Variants in MSH3 observed in about 807,000 individuals in gnomAD.
The protein encoded by MSH3 is DNA mismatch repair protein Msh3.
In MSH3, 106 loss-of-function variants were observed where a neutral mutation model predicts 123.3. The observed-to-expected ratio is 0.86, with a 90% CI of 0.73 to 1.01. The LOEUF (loss-of-function observed/expected upper bound fraction) is 1.01, where lower values mean the gene tolerates loss of function less well. MSH3 is among the 50% of genes least tolerant of loss of function. MSH3 has a pLI of 0.00. For synonymous variants in MSH3, 515 were observed against 481.4 expected (o/e 1.07, Z -0.91); for missense variants, 1,459 against 1,347.6 (o/e 1.08, Z -1.29).
intron 22 of MSH3, among the ~76,000 whole-genome samples, chr5:80,869,285 T>C (rs1001626002): frequency 2.6e-5 from 4 of 152,224 alleles, no homozygotes; most frequent in African/African-American, 9.6e-5. Context: ...ACATGAATTA[T>C]TACTTCCACT....
chr5:80,789,756 A>G (rs1744576482), intron 18 of MSH3, among the ~76,000 whole-genome samples: 1 of 152,212 alleles, frequency 6.6e-6, no homozygotes, highest in African/African-American at 2.4e-5. Context: ...GGAAAGTAGT[A>G]TTTATTGGTG....
chr5:80,742,724 G>A (rs1462015541), intron 11 of MSH3, among the ~76,000 whole-genome samples: 1 of 152,106 alleles, frequency 6.6e-6, no homozygotes, highest in African/African-American at 2.4e-5. Context: ...TCCAAAAGCT[G>A]AGAATCTGTC....
At chr5:80,780,855 G>A (rs1481514955) in intron 17 of MSH3, among the ~76,000 whole-genome samples, 3 of 152,018 alleles carry the variant, frequency 2.0e-5, no homozygotes, top group Non-Finnish European at 4.4e-5. Context: ...GCAACAGAGC[G>A]TGACTGTCTC....
chr5:80,751,066 G>T (rs1446339739), intron 12 of MSH3, among the ~76,000 whole-genome samples: 1 of 151,952 alleles, frequency 6.6e-6, no homozygotes, highest in Non-Finnish European at 1.5e-5. Context: ...CTGTACAAGG[G>T]GTCTTCAGAA....
chr5:80,670,032 C>T (rs1284430814), intron 3 of MSH3, 65 bp from the exon 4 acceptor site: 3 of 1,479,214 alleles, frequency 2.0e-6, no homozygotes, highest in Non-Finnish European at 2.8e-6. Context: ...TTTGCATTTT[C>T]CGTCTCTGGG....
intron 19 of MSH3, among the ~76,000 whole-genome samples, chr5:80,793,708 C>G (rs1313371408): frequency 6.6e-6 from 1 of 152,022 alleles, no homozygotes; most frequent in African/African-American, 2.4e-5. Flanking sequence ...AGAGTGTGAA[C>G]AAAGAAGTGT....
At chr5:80,694,812 A>G (rs1289187794) in intron 8 of MSH3, among the ~76,000 whole-genome samples, 1 of 150,670 alleles carries the variant, frequency 6.6e-6, no homozygotes, top group Non-Finnish European at 1.5e-5. Flanking sequence ...TCTAACCTTT[A>G]TGGTTTCAGA....
At position 80,864,927 on chromosome 5, in the gene MSH3, A is replaced by G. The variant is rs1290471693; in HGVS notation, c.3115A>G (p.Ser1039Gly). 1.2e-6 allele frequency: 2 copies of G among 1,613,972 alleles called. No individual in the cohort carries two copies. Among genetic ancestry groups the G allele is most frequent in the Non-Finnish European group, 8.5e-7 (1 of 1,179,860 alleles). Residue 1039 changes from serine (S) to glycine (G), a missense_variant, in exon 22 of 24, where the codon AGC (serine) becomes GGC (glycine). Transcript: ENST00000265081. ...GGGATTCTTGGTCAGTGAGGATGAA[A>G]GCAAACTGGATCCAGGTATGAAATA... is the stretch of plus-strand genomic sequence containing the variant. ...HMGFLVSEDE[S>G]KLDPGAAEQV...
At chr5:80,760,619 A>G (rs1274443050) in intron 12 of MSH3, among the ~76,000 whole-genome samples, 1 of 152,198 alleles carries the variant, frequency 6.6e-6, no homozygotes, top group Non-Finnish European at 1.5e-5. Context: ...TATATTAGCC[A>G]AGGTAATGCA....
chr5:80,675,582 G>C (rs1203639083), intron 7 of MSH3, among the ~76,000 whole-genome samples: 1 of 152,206 alleles, frequency 6.6e-6, no homozygotes, highest in Non-Finnish European at 1.5e-5. Flanking sequence ...CATGAGAACA[G>C]CAAGGAGGAA....
At chr5:80,708,663 A>G (rs1002590889) in intron 8 of MSH3, among the ~76,000 whole-genome samples, 1 of 151,874 alleles carries the variant, frequency 6.6e-6, no homozygotes, top group African/African-American at 2.4e-5. Context: ...ACTTGATCAA[A>G]GGTTTTGTTT....
intron 18 of MSH3, 108 bp from the exon 19 acceptor site, chr5:80,792,625 G>C: frequency 1.5e-6 from 1 of 678,326 alleles, no homozygotes; most frequent in Non-Finnish European, 2.6e-6. Flanking sequence ...TTAAAGTTTT[G>C]TTTTCTGTCG....
At chr5:80,739,019 A>T (rs1050096261) in intron 10 of MSH3, among the ~76,000 whole-genome samples, 9 of 152,318 alleles carry the variant, frequency 5.9e-5, no homozygotes, top group Admixed American at 5.9e-4. Context: ...CAGCCTCCAG[A>T]ACTCTGAGCA....
In MSH3 at chr5:80,654,920, G is replaced by A. The variant is rs774328125; in HGVS notation, c.193G>A (p.Ala65Thr). The change falls in exon 1 of 24, where the codon GCG becomes ACG. Residue 65 changes from alanine to threonine, a missense_variant. Physicochemically the swap from Ala to Thr is moderately conservative, Grantham distance 58 (BLOSUM62 0). Coordinates refer to ENST00000265081, the MANE Select transcript of MSH3 (RefSeq NM_002439.5). The part of the protein sequence containing the change: ...AAAAAAAAPP[A>T]PPAPAFPPQL... The stretch of plus-strand genomic sequence containing the variant: ...GGCCGCAGCGGCCGCAGCGCCCCCA[G>A]CGCCCCCAGCTCCCGCCTTCCCGCC... 3 of 1,516,958 alleles carry A rather than the reference G, an allele frequency of 2.0e-6. No individual in the cohort carries two copies. In the Admixed American group the frequency reaches 6.8e-5, roughly 34 times the overall value. 94.0% of individuals were successfully genotyped at this position (1,516,958 alleles called of 1,614,324 possible). A position where few individuals can be genotyped will look rare whatever the true frequency, so the allele number is the denominator to read the frequency against.
At chr5:80,800,285 A>G (rs1744769664) in intron 19 of MSH3, among the ~76,000 whole-genome samples, 1 of 152,172 alleles carries the variant, frequency 6.6e-6, no homozygotes, top group South Asian at 2.1e-4. Flanking sequence ...TTTCTTGAGA[A>G]CTTGCTCTGT....
chr5:80,835,180 G>A (rs1745487184), intron 20 of MSH3, among the ~76,000 whole-genome samples: 1 of 152,244 alleles, frequency 6.6e-6, no homozygotes, highest in Non-Finnish European at 1.5e-5. Context: ...AAGAAAAAAT[G>A]TAGGGGAAGG....
At chr5:80,855,873 C>CTTTTTTTTTTTTTTTTTTTTTTTTT (rs5869058) in intron 21 of MSH3, 4 of 107,136 alleles carry the variant, frequency 3.7e-5, no homozygotes, top group Non-Finnish European at 3.5e-5. Flanking sequence ...TCCTCCTCCT[C>CTTTTTTTTTTTTTTTTTTTTTTTTT]TTTTTTTTTT....
At chr5:80,860,443 G>GTT (rs199512437) in intron 21 of MSH3, among the ~76,000 whole-genome samples, 5,860 of 137,168 alleles carry the variant, frequency 0.043, 191 homozygotes, top group African/African-American at 0.096. Context: ...GAGGTTTGTT[G>GTT]TTTTTTTTTT....
Position 80,757,803 on chromosome 5 carries a change from A to G in MSH3, c.1764-3743A>G, listed in dbSNP as rs6151775. On this transcript the variant is annotated intron_variant, in intron 12 of 23. Transcript: ENST00000265081. The stretch of plus-strand genomic sequence containing the variant: ...TAATAATTCTCTATTGTGTGGCCTG[A>G]CATACTGTTTTATTACAATTATTTG... Among the ~76,000 whole-genome samples, 739 of 152,256 alleles carry G rather than the reference A, an allele frequency of 4.9e-3. 2 individuals carry two copies. The highest frequency in any genetic ancestry group is 0.017 in the African/African-American group (704 of 41,552).
Sources: gnomAD v4.1 joint callset for allele counts (sites outside exome capture counted in the v4.1 genomes callset) on GRCh38, gnomAD v4.1.1 for gene constraint, MANE v1.5 for transcripts, NCBI Gene and HGNC (gene_info 2026-07-23, HGNC 2026-07-21) for gene names.